Variants in CADM2 observed in about 807,000 individuals in gnomAD.
CADM2 encodes the protein cell adhesion molecule 2.
Under a neutral mutation model 49.8 loss-of-function variants are expected in CADM2, and 12 were observed. The observed-to-expected ratio is 0.24, with a 90% CI of 0.15 to 0.39. The LOEUF is 0.39. Ranked by LOEUF, CADM2 falls within the 10% of genes least tolerant of loss-of-function variation. The pLI is 1.00. For synonymous variants in CADM2, 214 were observed against 175.4 expected, an observed-to-expected ratio of 1.22 and a Z score of -1.74; for missense variants, 378 against 492.3, an observed-to-expected ratio of 0.77 and a Z score of 2.20.
At chr3:85,520,996 C>A (rs1427877559) in intron 1 of CADM2, among the ~76,000 whole-genome samples, 4 of 152,024 alleles carry the variant, frequency 2.6e-5, no homozygotes, top group Non-Finnish European at 5.9e-5. Context: ...ACATAACTTA[C>A]CTACAAAAAT....
At chr3:85,364,924 A>T (rs1355146499) in intron 1 of CADM2, among the ~76,000 whole-genome samples, 4 of 152,172 alleles carry the variant, frequency 2.6e-5, no homozygotes, top group African/African-American at 9.7e-5. Context: ...AGAAGAAATG[A>T]ATGAGAAATA....
intron 8 of CADM2, among the ~76,000 whole-genome samples, chr3:85,987,882 G>T (rs1414688664): frequency 6.6e-6 from 1 of 151,658 alleles, no homozygotes; most frequent in South Asian, 2.1e-4. Flanking sequence ...TAATAAACTG[G>T]CTGTATCTTT....
chr3:85,437,207 G>A (rs1482413896), intron 1 of CADM2, among the ~76,000 whole-genome samples: 2 of 152,030 alleles, frequency 1.3e-5, no homozygotes, highest in Non-Finnish European at 2.9e-5. Context: ...GCTGGGTAAT[G>A]TCTCATTATC....
intron 1 of CADM2, among the ~76,000 whole-genome samples, chr3:85,006,913 C>G (rs1246889093): frequency 6.6e-6 from 1 of 152,068 alleles, no homozygotes; most frequent in Non-Finnish European, 1.5e-5. Flanking sequence ...AACATCTTGA[C>G]CATTATACAT....
intron 1 of CADM2, among the ~76,000 whole-genome samples, chr3:85,413,163 ATAATAAT>A (rs1422801852): frequency 4.0e-5 from 4 of 99,908 alleles, no homozygotes; most frequent in Admixed American, 1.3e-4. Context: ...AAAAAAAAAA[ATAATAAT>A]AATAATAATA....
At chr3:85,350,501 C>T (rs2031236919) in intron 1 of CADM2, among the ~76,000 whole-genome samples, 1 of 152,258 alleles carries the variant, frequency 6.6e-6, no homozygotes, top group African/African-American at 2.4e-5. Context: ...TTCCAAAAAA[C>T]CTCTTGATCT....
At chr3:85,299,672 T>G (rs1037512251) in intron 1 of CADM2, among the ~76,000 whole-genome samples, 45 of 151,960 alleles carry the variant, frequency 3.0e-4, no homozygotes, top group African/African-American at 1.1e-3. Flanking sequence ...GTCTGGGGTG[T>G]GGGATGTGGG....
chr3:85,969,654 G>A (rs1449028312), intron 8 of CADM2, among the ~76,000 whole-genome samples: 2 of 150,916 alleles, frequency 1.3e-5, no homozygotes, highest in East Asian at 4.0e-4. Flanking sequence ...ACACATATAT[G>A]TATGCATCTG....
intron 1 of CADM2, among the ~76,000 whole-genome samples, chr3:85,045,254 C>T (rs1334229691): frequency 6.6e-6 from 1 of 152,038 alleles, no homozygotes; most frequent in East Asian, 1.9e-4. Flanking sequence ...ATTCTTGTTT[C>T]TTTCTAGAAA....
intron 8 of CADM2, among the ~76,000 whole-genome samples, chr3:86,035,292 C>A (rs1357877877): frequency 6.6e-6 from 1 of 151,654 alleles, no homozygotes; most frequent in Non-Finnish European, 1.5e-5. Context: ...CCATTTTCTA[C>A]CTCTAGTATT....
intron 1 of CADM2, among the ~76,000 whole-genome samples, chr3:85,664,951 T>C (rs1268189382): frequency 6.6e-6 from 1 of 152,046 alleles, no homozygotes. Context: ...AATTTTGTTC[T>C]CTTTCCACCA....
chr3:85,493,322 G>A (rs2039754518), intron 1 of CADM2, among the ~76,000 whole-genome samples: 3 of 151,914 alleles, frequency 2.0e-5, no homozygotes, highest in African/African-American at 7.3e-5. Flanking sequence ...ATGTGTTCAG[G>A]TTTCTTTTAT....
chr3:85,503,169 ACT>A (rs1366806872), intron 1 of CADM2, among the ~76,000 whole-genome samples: 3 of 152,072 alleles, frequency 2.0e-5, no homozygotes, highest in Non-Finnish European at 4.4e-5. Context: ...AATTAAGAAA[ACT>A]CAGTGGATGT....
intron 1 of CADM2, among the ~76,000 whole-genome samples, chr3:84,975,171 T>G (rs76225002): frequency 0.015 from 2,253 of 151,938 alleles, 38 homozygotes; most frequent in East Asian, 0.078. Context: ...TAATTGTGCC[T>G]TCCCATAATC....
intron 1 of CADM2, among the ~76,000 whole-genome samples, chr3:85,214,822 C>G (rs2041882856): frequency 6.6e-6 from 1 of 151,934 alleles, no homozygotes; most frequent in African/African-American, 2.4e-5. Flanking sequence ...GCAGTGAATG[C>G]TGCCAGTCGT....
At position 85,312,268 on chromosome 3, in the gene CADM2, T is replaced by G. The variant is rs546933429; in HGVS notation, c.61+352600T>G. On this transcript the variant is annotated intron_variant, in intron 1 of 9. Transcript: ENST00000383699. ...TAATTATGATAATAATTTTAAAAGA[T>G]TAATAAAGTAATTTAAAATTAATGA... is the stretch of plus-strand genomic sequence containing the variant. Among the ~76,000 whole-genome samples, 31 of 152,206 alleles carry G rather than the reference T, an allele frequency of 2.0e-4. No homozygotes were observed. The South Asian group carries it at 6.4e-3, about 31-fold the overall frequency.
intron 3 of CADM2, among the ~76,000 whole-genome samples, chr3:85,822,482 G>A (rs2073644516): frequency 6.6e-6 from 1 of 152,058 alleles, no homozygotes; most frequent in South Asian, 2.1e-4. Flanking sequence ...TACTTGGGAG[G>A]CTAAGGCAGA....
At chr3:85,270,830 G>A (rs903277906) in intron 1 of CADM2, among the ~76,000 whole-genome samples, 1 of 151,296 alleles carries the variant, frequency 6.6e-6, no homozygotes, top group Admixed American at 6.6e-5. Flanking sequence ...TCAAAACATT[G>A]ACTGCTTCTA....
chr3:84,993,971 CA>C (rs1286294568), intron 1 of CADM2, among the ~76,000 whole-genome samples: 3 of 152,252 alleles, frequency 2.0e-5, no homozygotes, highest in African/African-American at 7.2e-5. Context: ...TATACTTGTT[CA>C]AAAGCTTGCA....
Sources: gnomAD v4.1 joint callset for allele counts (sites outside exome capture counted in the v4.1 genomes callset) on GRCh38, gnomAD v4.1.1 for gene constraint, MANE v1.5 for transcripts, NCBI Gene and HGNC (gene_info 2026-07-23, HGNC 2026-07-21) for gene names.